Variants in SEMA6A observed in about 807,000 individuals in gnomAD.
SEMA6A encodes semaphorin-6A.
A neutral mutation model predicts 96.8 loss-of-function variants in SEMA6A; 25 were observed. The observed-to-expected ratio is 0.26, with a 90% CI of 0.19 to 0.36. The LOEUF is 0.36. SEMA6A is among the 10% of genes least tolerant of loss of function. SEMA6A has a pLI of 1.00. For missense variants in SEMA6A, 1,363 were observed against 1,323.1 expected (o/e 1.03, Z -0.47); for synonymous variants, 612 against 518.0 (o/e 1.18, Z -2.46).
At chr5:116,559,532 A>G (rs1474167510) in intron 1 of SEMA6A, among the ~76,000 whole-genome samples, 2 of 151,852 alleles carry the variant, frequency 1.3e-5, no homozygotes, top group Admixed American at 6.6e-5. Flanking sequence ...GCTCATTACA[A>G]CAGCGCGTTA....
chr5:116,487,088 T>G, intron 9 of SEMA6A, 122 bp from the exon 10 acceptor site: 2 of 545,630 alleles, frequency 3.7e-6, no homozygotes, highest in Non-Finnish European at 6.1e-6. Context: ...GTTTCTAAAA[T>G]CAGTAACAAA....
intron 1 of SEMA6A, among the ~76,000 whole-genome samples, chr5:116,567,131 G>A (rs941494782): frequency 6.6e-6 from 1 of 151,978 alleles, no homozygotes; most frequent in African/African-American, 2.4e-5. Flanking sequence ...TTGATATAAG[G>A]CTCTGCTTGT....
chr5:116,457,459 G>C (rs1755085406), intron 18 of SEMA6A, among the ~76,000 whole-genome samples: 2 of 152,024 alleles, frequency 1.3e-5, no homozygotes, highest in Admixed American at 1.3e-4. Context: ...TAAAAAAGAA[G>C]TAATTGCAGA....
chr5:116,479,668 T>A (rs1446013748), intron 12 of SEMA6A, among the ~76,000 whole-genome samples: 1 of 152,190 alleles, frequency 6.6e-6, no homozygotes, highest in Non-Finnish European at 1.5e-5. Flanking sequence ...AGAAAAAGAA[T>A]ATTAAACTAT....
chr5:116,485,831 C>G (rs1488193561), intron 10 of SEMA6A, among the ~76,000 whole-genome samples: 1 of 151,656 alleles, frequency 6.6e-6, no homozygotes, highest in Non-Finnish European at 1.5e-5. Context: ...ACCATGCACA[C>G]TGTTAGGATC....
At chr5:116,534,476 T>C (rs1275993870) in intron 1 of SEMA6A, among the ~76,000 whole-genome samples, 1 of 152,152 alleles carries the variant, frequency 6.6e-6, no homozygotes, top group Non-Finnish European at 1.5e-5. Context: ...TGGAGCACAC[T>C]CCGCTCCCTC....
chr5:116,537,649 C>A (rs1237985792), intron 1 of SEMA6A, among the ~76,000 whole-genome samples: 1 of 151,994 alleles, frequency 6.6e-6, no homozygotes, highest in African/African-American at 2.4e-5. Context: ...GAACAAAGAG[C>A]CAACATTAAA....
intron 11 of SEMA6A, 58 bp downstream of exon 11, chr5:116,482,386 A>G: frequency 6.4e-7 from 1 of 1,557,092 alleles, no homozygotes; most frequent in Non-Finnish European, 8.7e-7. Flanking sequence ...TCATTATCAG[A>G]GGTGCAAGCT....
chr5:116,485,999 T>A (rs1757032711), intron 10 of SEMA6A, among the ~76,000 whole-genome samples: 1 of 152,206 alleles, frequency 6.6e-6, no homozygotes, highest in Admixed American at 6.5e-5. Context: ...CTCAAAGTCT[T>A]AGTTTTAAGT....
chr5:116,555,820 C>T (rs1760585197), intron 1 of SEMA6A, among the ~76,000 whole-genome samples: 1 of 152,078 alleles, frequency 6.6e-6, no homozygotes, highest in Non-Finnish European at 1.5e-5. Flanking sequence ...CAACAGGAGA[C>T]CAGTCTCTAA....
Position 116,446,889 on chromosome 5 carries a change from A to T in SEMA6A, c.2817T>A (p.Thr939=). 6.2e-7 allele frequency: 1 copy of T among 1,613,872 alleles called. No individual in the cohort carries two copies. Among genetic ancestry groups the T allele is most frequent in the Non-Finnish European group, 8.5e-7 (1 of 1,179,854 alleles). Residue 939 remains threonine (T), a synonymous_variant, in exon 19 of 19, where the codon ACT becomes ACA. Coordinates refer to ENST00000343348, the MANE Select transcript of SEMA6A (RefSeq NM_020796.5). The part of the protein sequence containing the change: ...HQATTLKRNN[T]NSSNSSHLSR... ...AGAGGTGAGAGGAATTGGAGGAGTT[A>T]GTGTTGTTTCTTTTGAGAGTGGTGG...
chr5:116,543,448 C>A (rs1760058540), intron 1 of SEMA6A, among the ~76,000 whole-genome samples: 2 of 152,092 alleles, frequency 1.3e-5, no homozygotes, highest in Non-Finnish European at 2.9e-5. Flanking sequence ...CTTTTTTCTT[C>A]TTAGAATAAT....
intron 10 of SEMA6A, chr5:116,486,519 A>G: frequency 4.0e-6 from 2 of 500,014 alleles, no homozygotes; most frequent in Non-Finnish European, 7.1e-6. Flanking sequence ...GCTTATATAA[A>G]TAGAAGATAT....
At chr5:116,573,924 G>C (rs941587236) in intron 1 of SEMA6A, among the ~76,000 whole-genome samples, 43 of 149,774 alleles carry the variant, frequency 2.9e-4, no homozygotes, top group African/African-American at 1.0e-3. Context: ...CCGGGGCGGC[G>C]CCGGGCGTGT....
At chr5:116,457,848 G>A (rs972588174) in intron 18 of SEMA6A, among the ~76,000 whole-genome samples, 1 of 152,084 alleles carries the variant, frequency 6.6e-6, no homozygotes, top group African/African-American at 2.4e-5. Flanking sequence ...TCTATTACTT[G>A]CATAACCTGT....
chr5:116,499,457 A>T (rs1373673981), intron 3 of SEMA6A, among the ~76,000 whole-genome samples: 3 of 152,154 alleles, frequency 2.0e-5, no homozygotes, highest in Non-Finnish European at 4.4e-5. Flanking sequence ...TTTAGCTTTA[A>T]ATCGTGTTAC....
intron 18 of SEMA6A, 88 bp from the exon 19 acceptor site, chr5:116,447,899 C>T (rs1395567640): frequency 9.1e-7 from 1 of 1,099,414 alleles, no homozygotes; most frequent in African/African-American, 1.6e-5. Context: ...TAATTAATAA[C>T]AGTAGTAAGT....
intron 6 of SEMA6A, among the ~76,000 whole-genome samples, chr5:116,493,277 T>C (rs74985891): frequency 0.032 from 4,873 of 152,340 alleles, 104 homozygotes; most frequent in Middle Eastern, 0.051. Flanking sequence ...CCTTGGGATT[T>C]GTTAGAAGCA....
intron 1 of SEMA6A, chr5:116,536,202 A>G (rs1039710039): frequency 1.3e-5 from 2 of 150,608 alleles, no homozygotes; most frequent in African/African-American, 4.9e-5. Flanking sequence ...CCCCATTCCC[A>G]CCCCCTGTTG....
Sources: gnomAD v4.1 joint callset for allele counts (sites outside exome capture counted in the v4.1 genomes callset) on GRCh38, gnomAD v4.1.1 for gene constraint, MANE v1.5 for transcripts, NCBI Gene and HGNC (gene_info 2026-07-23, HGNC 2026-07-21) for gene names.